The following PPEF2 variants were observed in gnomAD, a reference collection of about 807,000 sequenced individuals.
PPEF2 encodes the protein serine/threonine-protein phosphatase with EF-hands 2.
PPEF2 carries 84 observed loss-of-function variants against 84.7 expected under a neutral mutation model. The observed-to-expected ratio is 0.99, with a 90% CI of 0.83 to 1.19. The LOEUF (loss-of-function observed/expected upper bound fraction) is 1.19. Ranked by LOEUF, PPEF2 falls within the 50% of genes most tolerant of loss-of-function variation. The pLI is 0.00. For missense variants in PPEF2, 924 were observed against 937.5 expected (o/e 0.99, Z 0.19); for synonymous variants, 346 against 345.2 (o/e 1.00, Z -0.03).
At chr4:75,899,782 A>ATGATGG (rs77720892) in intron 1 of PPEF2, among the ~76,000 whole-genome samples, 1 of 151,830 alleles carries the variant, frequency 6.6e-6, no homozygotes, top group African/African-American at 2.4e-5. Flanking sequence ...GTCCAAACCA[A>ATGATGG]CAAAACTGCT....
chr4:75,882,897 G>A, intron 10 of PPEF2, 29 bp downstream of exon 10: 1 of 1,593,092 alleles, frequency 6.3e-7, no homozygotes, highest in East Asian at 2.2e-5. Flanking sequence ...GCATTATGGT[G>A]AAATTTGTAT....
intron 15 of PPEF2, 117 bp downstream of exon 15, chr4:75,866,072 C>A: frequency 1.7e-6 from 2 of 1,166,772 alleles, no homozygotes; most frequent in Non-Finnish European, 1.2e-6. Flanking sequence ...TAGTTATTCC[C>A]CTTTCTCACC....
At chr4:75,871,971 T>G in intron 13 of PPEF2, 54 bp downstream of exon 13, 1 of 1,503,172 alleles carries the variant, frequency 6.7e-7, no homozygotes, top group Admixed American at 2.2e-5. Flanking sequence ...CATTCAAAGA[T>G]TCTATGAACA....
In PPEF2 at chr4:75,859,870, G is replaced by A. The variant is rs2149211255; in HGVS notation, c.*797C>T. On this transcript the variant is annotated 3_prime_UTR_variant, in exon 17 of 17. Coordinates refer to ENST00000286719, the MANE Select transcript of PPEF2 (RefSeq NM_006239.3). ...ATCACAAGGGAAGCACATGGGAAAG[G>A]GTTTACAATTAGATATTAATTTATT... 1 of 151,960 alleles carries A rather than the reference G, an allele frequency of 6.6e-6. No individual in the cohort carries two copies. The highest frequency in any genetic ancestry group is 6.5e-5 in the Admixed American group (1 of 15,270). 9.4% of individuals were successfully genotyped at this position (151,960 alleles called of 1,614,324 possible).
At chr4:75,867,779 TACAGC>T (rs1724167522) in intron 13 of PPEF2, among the ~76,000 whole-genome samples, 1 of 152,242 alleles carries the variant, frequency 6.6e-6, no homozygotes, top group Non-Finnish European at 1.5e-5. Context: ...TAATTTCATG[TACAGC>T]ACTTAGAAGA....
chr4:75,872,939 G>T (rs1328396676), intron 12 of PPEF2, among the ~76,000 whole-genome samples, 188 bp downstream of exon 12: 1 of 152,168 alleles, frequency 6.6e-6, no homozygotes, highest in African/African-American at 2.4e-5. Context: ...ATCAAACTTT[G>T]GGTTTTAAAG....
intron 13 of PPEF2, among the ~76,000 whole-genome samples, chr4:75,870,532 C>G (rs1027118979): frequency 3.3e-5 from 5 of 152,170 alleles, no homozygotes; most frequent in African/African-American, 1.2e-4. Flanking sequence ...CTCTGTTAGG[C>G]TGAATACTTA....
intron 13 of PPEF2, 144 bp downstream of exon 13, chr4:75,871,881 G>T: frequency 3.8e-6 from 3 of 782,686 alleles, no homozygotes; most frequent in Non-Finnish European, 5.9e-6. Flanking sequence ...AATGTCTATT[G>T]TATTAATAGA....
In PPEF2 at chr4:75,884,592, A is replaced by G. The variant is rs17220803; in HGVS notation, c.746+2T>C. 0.037 allele frequency: 59,400 copies of G among 1,590,706 alleles called. 1,282 individuals carry two copies. Among genetic ancestry groups the G allele is most frequent in the Middle Eastern group, 0.044 (223 of 5,076 alleles). On this transcript the variant is annotated splice_donor_variant, in intron 8 of 16. Coordinates refer to ENST00000286719, the MANE Select transcript of PPEF2 (RefSeq NM_006239.3). LOFTEE classifies it high-confidence loss of function. ...AATACTCAAGCATGTTTTGACTTGT[A>G]CCGTAAGTTCACCATATGGTCCTCA...
intron 8 of PPEF2, among the ~76,000 whole-genome samples, chr4:75,883,687 A>G (rs929753090): frequency 1.3e-5 from 2 of 151,796 alleles, no homozygotes; most frequent in African/African-American, 4.8e-5. Flanking sequence ...GTGTGGTGGC[A>G]GGCTCCTGTA....
At position 75,883,015 on chromosome 4, in the gene PPEF2, T is replaced by C; in HGVS notation, c.844A>G (p.Thr282Ala). 6.2e-7 allele frequency: 1 copy of C among 1,614,192 alleles called. No homozygotes were observed. Among genetic ancestry groups the C allele is most frequent in the South Asian group, 1.1e-5 (1 of 91,090 alleles). The part of the protein sequence containing the change: ...QDVFCWLPLA[T>A]LIDEKVLILH... ...ATTAGAACTTTCTCATCTATCAGAG[T>C]GGCCAGTGGAAGCCAACAGAAAACA... Residue 282 changes from threonine to alanine, a missense_variant, in exon 10 of 17, where the codon ACT becomes GCT. Thr to Ala is a moderately conservative substitution (Grantham distance 58). Transcript: ENST00000286719.
rs762710566 is a variant in PPEF2 at position 75,888,265 on chromosome 4, G to C, written c.481C>G (p.Pro161Ala). 1.9e-6 allele frequency: 3 copies of C among 1,614,094 alleles called. No homozygotes were observed. ...YETKKHLVQL[P>A]NINRVSTCYS... ...CAGGTTGAGACCCGGTTGATGTTTG[G>C]CAGCTGTACCAGATGTTTCTTGGTT... Residue 161 changes from proline (P) to alanine (A), a missense_variant, in exon 6 of 17, where the codon CCA becomes GCA. Transcript: ENST00000286719.
At chr4:75,895,258 T>C (rs554714390) in intron 2 of PPEF2, among the ~76,000 whole-genome samples, 163 of 147,742 alleles carry the variant, frequency 1.1e-3, no homozygotes, top group Admixed American at 1.8e-3. Flanking sequence ...TGAAGCCCCG[T>C]CTCTACTAAA....
chr4:75,861,311 A>T (rs945534661), intron 16 of PPEF2, among the ~76,000 whole-genome samples: 1 of 152,000 alleles, frequency 6.6e-6, no homozygotes, highest in Admixed American at 6.6e-5. Flanking sequence ...GCATTTAATC[A>T]TCTCAAACAT....
chr4:75,880,772 G>A (rs907401600), intron 10 of PPEF2, among the ~76,000 whole-genome samples: 1 of 151,328 alleles, frequency 6.6e-6, no homozygotes, highest in Admixed American at 6.6e-5. Flanking sequence ...GACCAGCCTG[G>A]GCAACATAGT....
chr4:75,865,143 G>T (rs1446360239), intron 15 of PPEF2, among the ~76,000 whole-genome samples: 1 of 152,038 alleles, frequency 6.6e-6, no homozygotes, highest in Non-Finnish European at 1.5e-5. Flanking sequence ...CTCCATTTTG[G>T]TCAGGCTAGT....
intron 4 of PPEF2, among the ~76,000 whole-genome samples, chr4:75,890,716 A>C (rs540645506): frequency 2.6e-5 from 4 of 152,254 alleles, no homozygotes; most frequent in Admixed American, 2.6e-4. Context: ...AGCAGAAGGA[A>C]AGGGGAAAGC....
chr4:75,890,928 A>G (rs1724861652), intron 4 of PPEF2, among the ~76,000 whole-genome samples: 1 of 152,192 alleles, frequency 6.6e-6, no homozygotes, highest in Non-Finnish European at 1.5e-5. Flanking sequence ...CACGCTTGTA[A>G]TGCCAGCACT....
rs367643056 is a variant in PPEF2 at position 75,899,054 on chromosome 4, T to C, written c.-58-2671A>G. Among the ~76,000 whole-genome samples, 27 of 152,308 alleles carry C rather than the reference T, an allele frequency of 1.8e-4. 1 individual carries two copies. In the South Asian group the frequency reaches 5.0e-3, roughly 28 times the overall value. ...GTCTCTAGTAATCATTACTCTATGC[T>C]CAACTTCCATGATCTCAACTTTTTT... On this transcript the variant is annotated intron_variant, in intron 1 of 16. Coordinates refer to ENST00000286719, the MANE Select transcript of PPEF2 (RefSeq NM_006239.3).
Sources: allele counts gnomAD v4.1 joint callset (sites outside exome capture counted in the v4.1 genomes callset), GRCh38; gene constraint gnomAD v4.1.1; transcripts MANE v1.5; gene names NCBI Gene and HGNC (gene_info 2026-07-23, HGNC 2026-07-21).